KYNU: variants seen among roughly 807,000 people sequenced by gnomAD.
The protein encoded by KYNU is L-kynurenine hydrolase.
KYNU carries 54 observed loss-of-function variants against 59.2 expected under a neutral mutation model. The observed-to-expected ratio is 0.91, with a 90% CI of 0.73 to 1.14. The LOEUF (loss-of-function observed/expected upper bound fraction) is 1.14, where lower values mean the gene tolerates loss of function less well. Among genes scored for constraint, KYNU ranks in the 50% most tolerant of loss-of-function variants. KYNU has a pLI of 0.00. For missense variants in KYNU, 567 were observed against 554.4 expected, an observed-to-expected ratio of 1.02 and a Z score of -0.23; for synonymous variants, 177 against 192.0, an observed-to-expected ratio of 0.92 and a Z score of 0.65.
At chr2:142,898,002 A>G (rs958850970) in intron 2 of KYNU, among the ~76,000 whole-genome samples, 3 of 152,212 alleles carry the variant, frequency 2.0e-5, no homozygotes, top group East Asian at 1.9e-4. Context: ...CCTGGACTCA[A>G]TCGATCCTCC....
intron 4 of KYNU, among the ~76,000 whole-genome samples, chr2:142,929,007 C>CAAAAAA (rs761809423): frequency 4.1e-4 from 20 of 48,432 alleles, no homozygotes; most frequent in South Asian, 1.1e-3. Context: ...CACCCTGTCT[C>CAAAAAA]AAAAAAAAAA....
At chr2:142,961,539 A>T (rs1304403149) in intron 8 of KYNU, among the ~76,000 whole-genome samples, 1 of 152,186 alleles carries the variant, frequency 6.6e-6, no homozygotes, top group Non-Finnish European at 1.5e-5. Context: ...TCTAAAGATG[A>T]AGAAATGCAG....
intron 10 of KYNU, among the ~76,000 whole-genome samples, chr2:143,028,704 C>T (rs935026174): frequency 4.0e-5 from 6 of 151,844 alleles, no homozygotes; most frequent in Admixed American, 6.6e-5. Context: ...AAAAGTTAGC[C>T]GGGCGTGGTG....
chr2:142,899,987 C>G (rs115241087), intron 2 of KYNU, among the ~76,000 whole-genome samples: 3 of 152,244 alleles, frequency 2.0e-5, no homozygotes, highest in African/African-American at 7.2e-5. Context: ...TCCAAGATAG[C>G]GGCAAGCCTC....
At chr2:142,898,452 G>C (rs1681958099) in intron 2 of KYNU, among the ~76,000 whole-genome samples, 1 of 132,392 alleles carries the variant, frequency 7.6e-6, no homozygotes. Flanking sequence ...GTAGGAAGTT[G>C]TATTCCCTAG....
At chr2:142,947,172 C>A in intron 4 of KYNU, 1 of 1,551,002 alleles carries the variant, frequency 6.4e-7, no homozygotes, top group Non-Finnish European at 8.7e-7. Context: ...AATCTTAAGT[C>A]ATCTTGCTAA....
At chr2:142,972,481 A>C (rs1350834018) in intron 8 of KYNU, among the ~76,000 whole-genome samples, 1 of 152,150 alleles carries the variant, frequency 6.6e-6, no homozygotes, top group Non-Finnish European at 1.5e-5. Context: ...CTAGTCTCTG[A>C]AATAATGCTT....
intron 2 of KYNU, among the ~76,000 whole-genome samples, chr2:142,917,055 A>G (rs1682688004): frequency 6.6e-6 from 1 of 152,234 alleles, no homozygotes; most frequent in Non-Finnish European, 1.5e-5. Context: ...ATGTTTTAGC[A>G]TAGCACTAAA....
intron 10 of KYNU, among the ~76,000 whole-genome samples, chr2:142,996,785 T>C (rs1685559264): frequency 6.6e-6 from 1 of 152,170 alleles, no homozygotes; most frequent in African/African-American, 2.4e-5. Flanking sequence ...AGGAACAAGA[T>C]TACAAATTCA....
chr2:143,005,263 G>A (rs566310376), intron 10 of KYNU, among the ~76,000 whole-genome samples: 29 of 152,166 alleles, frequency 1.9e-4, no homozygotes, highest in Non-Finnish European at 3.8e-4. Context: ...TTAAAGGGTA[G>A]AAAGCGAAAA....
intron 6 of KYNU, 111 bp from the exon 7 acceptor site, chr2:142,957,530 C>A: frequency 1.4e-6 from 1 of 709,114 alleles, no homozygotes. Context: ...TTAACCTTCA[C>A]CTTGGATTTA....
intron 1 of KYNU, among the ~76,000 whole-genome samples, chr2:142,884,688 C>CTTTTTTTTTTTTTTTTTTTTTTT (rs70997529): frequency 1.0e-4 from 8 of 77,018 alleles, no homozygotes; most frequent in Non-Finnish European, 1.7e-4. Flanking sequence ...TTCTCTTTTC[C>CTTTTTTTTTTTTTTTTTTTTTTT]TTTTTTTTTT....
At chr2:142,929,314 T>C (rs1373489064) in intron 4 of KYNU, among the ~76,000 whole-genome samples, 7 of 145,386 alleles carry the variant, frequency 4.8e-5, no homozygotes, top group Non-Finnish European at 1.0e-4. Flanking sequence ...GATAATAATA[T>C]CTGGGGAGTT....
intron 8 of KYNU, among the ~76,000 whole-genome samples, chr2:142,964,003 C>T (rs1684440400): frequency 6.6e-6 from 1 of 151,840 alleles, no homozygotes; most frequent in Non-Finnish European, 1.5e-5. Flanking sequence ...TTTCAGATTT[C>T]TGAATTTGGG....
At chr2:143,030,326 C>CAG (rs1686703728) in intron 11 of KYNU, among the ~76,000 whole-genome samples, 1 of 152,182 alleles carries the variant, frequency 6.6e-6, no homozygotes, top group Non-Finnish European at 1.5e-5. Flanking sequence ...CTCTACCATG[C>CAG]AGAGCTTCCT....
At chr2:142,952,331 C>G (rs1295685658) in intron 4 of KYNU, among the ~76,000 whole-genome samples, 1 of 152,142 alleles carries the variant, frequency 6.6e-6, no homozygotes. Context: ...CTATCTTGGC[C>G]TCTCAAAGTG....
intron 4 of KYNU, among the ~76,000 whole-genome samples, chr2:142,941,219 C>T (rs1683588973): frequency 1.3e-5 from 2 of 152,202 alleles, no homozygotes; most frequent in Non-Finnish European, 2.9e-5. Flanking sequence ...ACTTTATTAG[C>T]ATCAACTCTC....
chr2:142,966,272 G>A (rs565314952), intron 8 of KYNU, among the ~76,000 whole-genome samples: 11 of 152,166 alleles, frequency 7.2e-5, no homozygotes, highest in Admixed American at 2.0e-4. Context: ...CTCATGCATC[G>A]GGCAGGAATT....
chr2:142,995,181 T>G (rs549708081), intron 10 of KYNU, among the ~76,000 whole-genome samples: 2 of 152,130 alleles, frequency 1.3e-5, no homozygotes, highest in African/African-American at 2.4e-5. Flanking sequence ...TTACTAATAG[T>G]CTCATGCCAA....
Sources: allele counts gnomAD v4.1 joint callset (sites outside exome capture counted in the v4.1 genomes callset), GRCh38; gene constraint gnomAD v4.1.1; transcripts MANE v1.5; gene names NCBI Gene and HGNC (gene_info 2026-07-23, HGNC 2026-07-21).